The following LCMT1 variants were observed in gnomAD, a reference collection of about 807,000 sequenced individuals.
LCMT1 encodes leucine carboxyl methyltransferase 1, also known as [Phosphatase 2A protein]-leucine-carboxy methyltransferase 1.
Under a neutral mutation model 47.7 loss-of-function variants are expected in LCMT1, and 32 were observed. The observed-to-expected ratio is 0.67, with a 90% CI of 0.51 to 0.90. LCMT1 has a LOEUF of 0.90. LCMT1 is among the 40% of genes least tolerant of loss of function. The pLI is 0.00. For synonymous variants in LCMT1, 152 were observed against 149.7 expected (o/e 1.02, Z -0.11); for missense variants, 375 against 415.2 (o/e 0.90, Z 0.84).
chr16:25,173,954 A>G (rs1306878275), intron 9 of LCMT1, among the ~76,000 whole-genome samples: 2 of 152,290 alleles, frequency 1.3e-5, no homozygotes, highest in East Asian at 3.9e-4. Context: ...CTCTGTCACC[A>G]AGGCTGGAGT....
chr16:25,123,888 C>T (rs923506399), intron 1 of LCMT1, among the ~76,000 whole-genome samples: 6 of 152,226 alleles, frequency 3.9e-5, no homozygotes, highest in South Asian at 2.1e-4. Flanking sequence ...GGATCACAAG[C>T]GTGAGCCACT....
intron 5 of LCMT1, chr16:25,158,814 C>T (rs1413941099): frequency 2.0e-5 from 3 of 152,188 alleles, no homozygotes; most frequent in African/African-American, 7.2e-5. Flanking sequence ...TTAAGAAGAG[C>T]AACTGAATCA....
At chr16:25,162,750 G>A (rs966459790) in intron 6 of LCMT1, among the ~76,000 whole-genome samples, 8 of 152,096 alleles carry the variant, frequency 5.3e-5, no homozygotes, top group East Asian at 1.9e-4. Context: ...ATGGTTCCTC[G>A]AAGAGAAGAT....
intron 5 of LCMT1, among the ~76,000 whole-genome samples, chr16:25,152,371 A>G (rs916982444): frequency 2.6e-5 from 4 of 152,300 alleles, no homozygotes; most frequent in South Asian, 2.1e-4. Flanking sequence ...TCAGTTTTCA[A>G]GGTCACTCTG....
At chr16:25,160,181 T>G (rs1048811210) in intron 5 of LCMT1, among the ~76,000 whole-genome samples, 3 of 152,158 alleles carry the variant, frequency 2.0e-5, no homozygotes, top group Non-Finnish European at 4.4e-5. Flanking sequence ...TCTCCTGACC[T>G]TGTGATCCAC....
At chr16:25,166,185 G>A (rs1472542450) in intron 7 of LCMT1, among the ~76,000 whole-genome samples, 2 of 150,794 alleles carry the variant, frequency 1.3e-5, no homozygotes, top group Non-Finnish European at 2.9e-5. Context: ...CAGGAGAATC[G>A]CTTGAACCAG....
chr16:25,147,649 A>T (rs1352713236), intron 4 of LCMT1: 1 of 152,126 alleles, frequency 6.6e-6, no homozygotes, highest in Non-Finnish European at 1.5e-5. Flanking sequence ...GTACTAGGGC[A>T]GGTTGTATTA....
intron 4 of LCMT1, among the ~76,000 whole-genome samples, chr16:25,149,325 C>T (rs559151042): frequency 6.6e-6 from 1 of 152,224 alleles, no homozygotes; most frequent in East Asian, 1.9e-4. Flanking sequence ...CCAGGGAAGC[C>T]AAAAGATTGG....
rs58367253 is a variant in LCMT1, at chr16:25,161,153, G to A, written c.518G>A (p.Arg173Gln). The A allele has an allele frequency of 3.1e-6, 5 of 1,610,892 alleles. No homozygotes were observed. The highest frequency in any genetic ancestry group is 4.5e-5 in the East Asian group (2 of 44,844). The part of the protein sequence containing the change: ...KRYAVIGADL[R>Q]DLSELEEKLK... The stretch of plus-strand genomic sequence containing the variant: ...TATGCCGTTATTGGAGCAGATCTCC[G>A]AGACCTGTCTGAACTGGAAGAGAAG... Residue 173 changes from arginine to glutamine, a missense_variant, in exon 6 of 11, where the codon CGA becomes CAA. Transcript: ENST00000399069.
intron 1 of LCMT1, among the ~76,000 whole-genome samples, chr16:25,122,810 A>T (rs1346194337): frequency 6.0e-5 from 9 of 149,098 alleles, no homozygotes; most frequent in Non-Finnish European, 1.3e-4. Context: ...TAATTCAGAA[A>T]TTGTAAATCT....
chr16:25,132,669 C>A, intron 3 of LCMT1, 146 bp downstream of exon 3: 1 of 748,258 alleles, frequency 1.3e-6, no homozygotes, highest in Non-Finnish European at 2.1e-6. Context: ...GATGCCCCTA[C>A]GACTCTCAGT....
At chr16:25,156,657 C>G (rs757678313) in intron 5 of LCMT1, among the ~76,000 whole-genome samples, 14 of 152,276 alleles carry the variant, frequency 9.2e-5, no homozygotes, top group Non-Finnish European at 1.9e-4. Flanking sequence ...TGAGAAAGAT[C>G]ATAAAGCCGG....
At chr16:25,128,879 G>C (rs1960270314) in intron 2 of LCMT1, among the ~76,000 whole-genome samples, 2 of 143,958 alleles carry the variant, frequency 1.4e-5, no homozygotes, top group Non-Finnish European at 3.0e-5. Context: ...GACACAGAGA[G>C]GGGAACATCA....
chr16:25,149,180 C>A (rs1387884938), intron 4 of LCMT1: 2 of 152,352 alleles, frequency 1.3e-5, no homozygotes, highest in South Asian at 2.1e-4. Context: ...CAGCCCAGGA[C>A]TGCTTTGAAT....
chr16:25,119,113 T>C (rs1366698089), intron 1 of LCMT1, among the ~76,000 whole-genome samples: 1 of 152,122 alleles, frequency 6.6e-6, no homozygotes, highest in African/African-American at 2.4e-5. Context: ...ATGGAGGTGC[T>C]GAGAATGTAT....
intron 1 of LCMT1, among the ~76,000 whole-genome samples, chr16:25,127,204 AT>A (rs1278781161): frequency 6.6e-6 from 1 of 152,138 alleles, no homozygotes; most frequent in African/African-American, 2.4e-5. Flanking sequence ...AATGCATCCT[AT>A]TTTTTATTTT....
chr16:25,176,666 A>AT (rs1367334502), intron 10 of LCMT1, among the ~76,000 whole-genome samples: 2 of 133,844 alleles, frequency 1.5e-5, no homozygotes, highest in Admixed American at 8.9e-5. Context: ...GGTTCAAGTG[A>AT]TTCTCCTGCC....
At chr16:25,164,501 G>A in intron 6 of LCMT1, 97 bp from the exon 7 acceptor site, 1 of 1,487,536 alleles carries the variant, frequency 6.7e-7, no homozygotes, top group Non-Finnish European at 9.2e-7. Flanking sequence ...GTTCCCTGGG[G>A]CATGGACCGC....
At chr16:25,159,009 A>G (rs958749704) in intron 5 of LCMT1, 19 of 152,314 alleles carry the variant, frequency 1.2e-4, no homozygotes, top group African/African-American at 4.3e-4. Flanking sequence ...CTTGTGTACA[A>G]CTTACAAGAA....
Sources: gnomAD v4.1 joint callset for allele counts (sites outside exome capture counted in the v4.1 genomes callset) on GRCh38, gnomAD v4.1.1 for gene constraint, MANE v1.5 for transcripts, NCBI Gene and HGNC (gene_info 2026-07-23, HGNC 2026-07-21) for gene names.